The following DLC1 variants were observed in gnomAD, a reference collection of about 807,000 sequenced individuals.
DLC1 encodes DLC1 Rho GTPase activating protein, also known as rho GTPase-activating protein 7.
DLC1 carries 54 observed loss-of-function variants against 140.3 expected under a neutral mutation model. The ratio of observed to expected loss-of-function variants is 0.38; its 90% CI spans 0.31 to 0.48. The LOEUF is 0.48. Ranked by LOEUF, DLC1 falls within the 20% of genes least tolerant of loss-of-function variation. The pLI, the probability that DLC1 is intolerant of heterozygous loss-of-function variation, is 0.96. For synonymous variants in DLC1, 986 were observed against 728.1 expected (o/e 1.35, Z -5.70); for missense variants, 2,536 against 1,907.0 (o/e 1.33, Z -6.14).
intron 4 of DLC1, among the ~76,000 whole-genome samples, chr8:13,329,453 C>A (rs1188351590): frequency 1.3e-5 from 2 of 152,156 alleles, no homozygotes; most frequent in Non-Finnish European, 2.9e-5. Context: ...CATCCCCAGA[C>A]TGGTTTAACC....
At chr8:13,529,079 C>T (rs1328934210) in intron 1 of DLC1, among the ~76,000 whole-genome samples, 1 of 152,058 alleles carries the variant, frequency 6.6e-6, no homozygotes, top group Non-Finnish European at 1.5e-5. Context: ...AGATAGAAAC[C>T]AAAAAACATA....
At chr8:13,360,049 A>C (rs1835152067) in intron 4 of DLC1, among the ~76,000 whole-genome samples, 1 of 152,216 alleles carries the variant, frequency 6.6e-6, no homozygotes, top group South Asian at 2.1e-4. Flanking sequence ...TTTCCACACA[A>C]CTGGGTAGAA....
intron 5 of DLC1, among the ~76,000 whole-genome samples, chr8:13,158,810 A>G (rs1009946507): frequency 1.1e-4 from 16 of 139,360 alleles, no homozygotes; most frequent in South Asian, 2.2e-4. Flanking sequence ...CCTCTGCATC[A>G]TAAGACAGGT....
At chr8:13,090,798 T>A (rs933338848) in intron 14 of DLC1, among the ~76,000 whole-genome samples, 6 of 110,294 alleles carry the variant, frequency 5.4e-5, no homozygotes, top group Non-Finnish European at 9.3e-5. Context: ...TTGCTTTTTC[T>A]TTCTTTCTTT....
At chr8:13,463,383 A>C (rs1424995486) in intron 2 of DLC1, among the ~76,000 whole-genome samples, 3 of 152,216 alleles carry the variant, frequency 2.0e-5, no homozygotes, top group Non-Finnish European at 4.4e-5. Flanking sequence ...TATTTTAAAA[A>C]TAAGACCTGT....
intron 4 of DLC1, among the ~76,000 whole-genome samples, chr8:13,351,620 G>A (rs1005480877): frequency 1.3e-5 from 2 of 152,166 alleles, no homozygotes; most frequent in African/African-American, 4.8e-5. Context: ...ATGTACATTG[G>A]TTTGTTTATG....
At chr8:13,180,289 A>G (rs976823778) in intron 5 of DLC1, among the ~76,000 whole-genome samples, 3 of 152,214 alleles carry the variant, frequency 2.0e-5, no homozygotes, top group Admixed American at 6.5e-5. Context: ...TTGTATATGT[A>G]TCTCTCTTAT....
chr8:13,330,848 C>A (rs1833555970), intron 4 of DLC1, among the ~76,000 whole-genome samples: 1 of 152,222 alleles, frequency 6.6e-6, no homozygotes, highest in Non-Finnish European at 1.5e-5. Context: ...CCTTTCCTTA[C>A]AAGGCTCATT....
rs1451094940 is a variant in DLC1 at position 13,499,462 on chromosome 8, C to G, written c.610G>C (p.Asp204His). Residue 204 changes from aspartate to histidine, a missense_variant, in exon 2 of 18, where the codon GAT becomes CAT. Coordinates refer to ENST00000276297, the MANE Select transcript of DLC1 (RefSeq NM_182643.3). Reference sequence around the variant, plus strand: ...TCCACTGCATTTACTTTGGGTGCATCTTTTATTTCACTTAAGCTTATTTCA... The same window carrying G: ...TCCACTGCATTTACTTTGGGTGCATGTTTTATTTCACTTAAGCTTATTTCA... ...CNEISLSEIK[D>H]APKVNAVDTL... 2 of 1,614,056 alleles carry G rather than the reference C, an allele frequency of 1.2e-6. No homozygotes were observed. Among genetic ancestry groups the G allele is most frequent in the East Asian group, 4.5e-5 (2 of 44,874 alleles).
At chr8:13,187,417 T>A (rs1467747726) in intron 5 of DLC1, among the ~76,000 whole-genome samples, 2 of 152,158 alleles carry the variant, frequency 1.3e-5, no homozygotes, top group Admixed American at 6.5e-5. Flanking sequence ...GGGCAGAGAT[T>A]GTGTCATGTT....
chr8:13,372,297 C>A (rs915016813), intron 4 of DLC1, among the ~76,000 whole-genome samples: 1 of 152,102 alleles, frequency 6.6e-6, no homozygotes, highest in Non-Finnish European at 1.5e-5. Flanking sequence ...TCATGCTTTC[C>A]TTACTAATTG....
chr8:13,127,215 T>C (rs1821656848), intron 5 of DLC1, among the ~76,000 whole-genome samples: 1 of 152,216 alleles, frequency 6.6e-6, no homozygotes, highest in African/African-American at 2.4e-5. Context: ...GAACAGAAAT[T>C]AATCTAATGG....
chr8:13,141,140 A>G (rs1050018008), intron 5 of DLC1, among the ~76,000 whole-genome samples: 2 of 151,790 alleles, frequency 1.3e-5, no homozygotes, highest in Non-Finnish European at 2.9e-5. Context: ...CTGTAATTCC[A>G]GCTACTCGGG....
intron 5 of DLC1, among the ~76,000 whole-genome samples, chr8:13,118,276 CTTAG>C (rs755305588): frequency 2.0e-4 from 30 of 152,262 alleles, no homozygotes; most frequent in African/African-American, 3.9e-4. Flanking sequence ...CTTAGGGCCA[CTTAG>C]TTAGAAAGAA....
At chr8:13,438,888 A>G (rs1327781086) in intron 2 of DLC1, among the ~76,000 whole-genome samples, 1 of 152,170 alleles carries the variant, frequency 6.6e-6, no homozygotes, top group East Asian at 1.9e-4. Context: ...TTTTCCATAA[A>G]GGACTGAAGT....
At chr8:13,346,226 T>C (rs1158753136) in intron 4 of DLC1, among the ~76,000 whole-genome samples, 1 of 152,224 alleles carries the variant, frequency 6.6e-6, no homozygotes, top group Non-Finnish European at 1.5e-5. Context: ...AAAGTTTGAG[T>C]ATACACAATT....
intron 10 of DLC1, among the ~76,000 whole-genome samples, chr8:13,097,249 T>TTTA (rs149250885): frequency 0.39 from 56,756 of 146,864 alleles, 12,513 homozygotes; most frequent in South Asian, 0.5. Flanking sequence ...CACATCCAAA[T>TTTA]TTATTATTAT....
intron 1 of DLC1, among the ~76,000 whole-genome samples, chr8:13,563,354 C>T (rs2117386628): frequency 6.6e-6 from 1 of 152,078 alleles, no homozygotes; most frequent in East Asian, 1.9e-4. Context: ...TTTAAAAAGG[C>T]CTAACTTGTA....
intron 5 of DLC1, among the ~76,000 whole-genome samples, chr8:13,241,807 C>A (rs1829555968): frequency 6.6e-6 from 1 of 152,038 alleles, no homozygotes; most frequent in East Asian, 1.9e-4. Flanking sequence ...CTTTCAGGGG[C>A]CAATTAGCCA....
Sources: gnomAD v4.1 joint callset for allele counts (sites outside exome capture counted in the v4.1 genomes callset) on GRCh38, gnomAD v4.1.1 for gene constraint, MANE v1.5 for transcripts, NCBI Gene and HGNC (gene_info 2026-07-23, HGNC 2026-07-21) for gene names.